Variants in TENM4 observed in about 807,000 individuals in gnomAD.
The protein encoded by TENM4 is teneurin-4.
A neutral mutation model predicts 243.3 loss-of-function variants in TENM4; 82 were observed. That is an observed-to-expected ratio of 0.34 (90% CI 0.28 to 0.40). TENM4 has a LOEUF of 0.40. Ranked by LOEUF, TENM4 falls within the 10% of genes least tolerant of loss-of-function variation. The probability of loss-of-function intolerance (pLI) is 1.00; values close to 1 mark genes in which losing one functional copy is unlikely to be tolerated. For missense variants in TENM4, 3,138 were observed against 3,673.3 expected (o/e 0.85, Z 3.77); for synonymous variants, 1,412 against 1,456.3 (o/e 0.97, Z 0.69).
intron 27 of TENM4, among the ~76,000 whole-genome samples, chr11:78,706,514 G>A (rs527381786): frequency 1.3e-5 from 2 of 152,322 alleles, no homozygotes; most frequent in South Asian, 4.1e-4. Flanking sequence ...CTGCGCAAAT[G>A]TGTCTGTAAA....
chr11:79,122,979 A>G (rs938288505), intron 4 of TENM4, among the ~76,000 whole-genome samples: 1 of 152,200 alleles, frequency 6.6e-6, no homozygotes, highest in South Asian at 2.1e-4. Flanking sequence ...CCTGAGCCTT[A>G]CCTCAAACAG....
intron 12 of TENM4, among the ~76,000 whole-genome samples, chr11:78,822,067 C>G (rs1470656848): frequency 2.0e-5 from 3 of 152,142 alleles, no homozygotes; most frequent in Non-Finnish European, 4.4e-5. Context: ...CCTAGGTGAT[C>G]TACAAAGTCA....
chr11:79,388,621 T>G (rs1390828598), intron 1 of TENM4, among the ~76,000 whole-genome samples: 2 of 152,180 alleles, frequency 1.3e-5, no homozygotes, highest in Admixed American at 1.3e-4. Context: ...ACTTAGTTTG[T>G]GCCTAATCCC....
chr11:78,786,594 C>T (rs901765569), intron 16 of TENM4, among the ~76,000 whole-genome samples: 64 of 152,364 alleles, frequency 4.2e-4, no homozygotes, highest in African/African-American at 1.3e-3. Context: ...CATTCCTCAA[C>T]ACAGAGCTCC....
intron 6 of TENM4, among the ~76,000 whole-genome samples, chr11:78,987,970 C>T (rs1296279563): frequency 6.6e-6 from 1 of 152,204 alleles, no homozygotes; most frequent in East Asian, 1.9e-4. Flanking sequence ...AAGGGACTCT[C>T]ATGTAAGGTG....
At chr11:78,745,819 C>A (rs1378650232) in intron 19 of TENM4, among the ~76,000 whole-genome samples, 1 of 152,160 alleles carries the variant, frequency 6.6e-6, no homozygotes, top group Non-Finnish European at 1.5e-5. Flanking sequence ...CTTGAATATG[C>A]TATTTATTAT....
intron 4 of TENM4, among the ~76,000 whole-genome samples, chr11:79,079,332 G>A (rs997753072): frequency 6.6e-6 from 1 of 152,186 alleles, no homozygotes; most frequent in Non-Finnish European, 1.5e-5. Flanking sequence ...CCTGAGCTGC[G>A]GAGCTGGGAG....
intron 9 of TENM4, among the ~76,000 whole-genome samples, chr11:78,882,144 C>T (rs1394061590): frequency 3.3e-5 from 5 of 152,156 alleles, no homozygotes; most frequent in African/African-American, 7.2e-5. Context: ...CCTTACTGCA[C>T]ACAAATAACA....
At chr11:79,335,121 T>A (rs986141911) in intron 1 of TENM4, among the ~76,000 whole-genome samples, 1 of 152,224 alleles carries the variant, frequency 6.6e-6, no homozygotes, top group Non-Finnish European at 1.5e-5. Context: ...TATTTCCTTT[T>A]CGAGTGGGAG....
chr11:79,220,494 A>G (rs1287079271), intron 2 of TENM4, among the ~76,000 whole-genome samples: 2 of 152,190 alleles, frequency 1.3e-5, no homozygotes, highest in Non-Finnish European at 2.9e-5. Context: ...AATGGACTAG[A>G]GAGAATAAGT....
chr11:79,113,395 G>A lies in TENM4; in HGVS notation c.-66+35315C>T, dbSNP rs568662344. Among the ~76,000 whole-genome samples the A allele has an allele frequency of 4.8e-5, 7 of 147,028 alleles. No individual in the cohort carries two copies. The South Asian group carries it at 1.5e-3, about 32-fold the overall frequency. ...TTACTCCCCCGCCTATTGGATTGGT[G>A]TGTGTGTGTGTGTGTGTGTGTGTGT... is the stretch of plus-strand genomic sequence containing the variant. On this transcript the variant is annotated intron_variant, in intron 4 of 33. Transcript: ENST00000278550.
In TENM4 at chr11:79,300,014, G is replaced by T. The variant is rs750984186; in HGVS notation, c.-320-2471C>A. On this transcript the variant is annotated intron_variant, in intron 1 of 33. Transcript: ENST00000278550. ...ATGGACCCCTGACTATTCATTCTCT[G>T]TCCAATGACACCTCTTCCAGGAAGG... 7.8e-4 allele frequency among the ~76,000 whole-genome samples: 118 copies of T among 152,196 alleles called. 1 individual carries two copies. The highest frequency in any genetic ancestry group is 1.1e-3 in the Non-Finnish European group (72 of 68,036).
intron 25 of TENM4, among the ~76,000 whole-genome samples, chr11:78,713,321 T>G (rs17137042): frequency 0.094 from 14,285 of 152,198 alleles, 1,801 homozygotes; most frequent in African/African-American, 0.29. Flanking sequence ...ATAAGTGAAC[T>G]GCAGGATTAG....
At chr11:79,138,154 A>G (rs1209061611) in intron 4 of TENM4, among the ~76,000 whole-genome samples, 2 of 150,502 alleles carry the variant, frequency 1.3e-5, no homozygotes, top group African/African-American at 2.4e-5. Flanking sequence ...CTCCCAGCCT[A>G]CATCTTTCTC....
At chr11:78,994,520 G>C (rs151063837) in intron 6 of TENM4, among the ~76,000 whole-genome samples, 2 of 152,342 alleles carry the variant, frequency 1.3e-5, no homozygotes, top group African/African-American at 4.8e-5. Context: ...CATGTAACTT[G>C]TGTAGTTTTC....
chr11:79,434,249 G>A (rs1590964194), intron 1 of TENM4, among the ~76,000 whole-genome samples: 1 of 152,222 alleles, frequency 6.6e-6, no homozygotes, highest in Admixed American at 6.5e-5. Flanking sequence ...CCCTGGAACT[G>A]TGAAGGGAGA....
chr11:78,866,524 G>A (rs1324350828), intron 9 of TENM4, among the ~76,000 whole-genome samples: 1 of 151,388 alleles, frequency 6.6e-6, no homozygotes, highest in Non-Finnish European at 1.5e-5. Flanking sequence ...AAAAAGTGTT[G>A]CAGGTGAAAA....
At chr11:79,258,310 C>T (rs1855735263) in intron 2 of TENM4, among the ~76,000 whole-genome samples, 2 of 152,196 alleles carry the variant, frequency 1.3e-5, no homozygotes, top group African/African-American at 4.8e-5. Context: ...ATTAATGCAT[C>T]TCCACACTGG....
At chr11:78,784,588 T>C (rs1344049972) in intron 16 of TENM4, among the ~76,000 whole-genome samples, 1 of 152,216 alleles carries the variant, frequency 6.6e-6, no homozygotes, top group Non-Finnish European at 1.5e-5. Context: ...ACTAGTCTAT[T>C]GCTTCTTCAA....
Sources: gnomAD v4.1 joint callset for allele counts (sites outside exome capture counted in the v4.1 genomes callset) on GRCh38, gnomAD v4.1.1 for gene constraint, MANE v1.5 for transcripts, NCBI Gene and HGNC (gene_info 2026-07-23, HGNC 2026-07-21) for gene names.